Variants in CDHR2 observed in about 807,000 individuals in gnomAD.
The protein encoded by CDHR2 is cadherin related family member 2.
In CDHR2, 104 loss-of-function variants were observed where a neutral mutation model predicts 138.6. That is an observed-to-expected ratio of 0.75 (90% CI 0.64 to 0.88). The LOEUF (loss-of-function observed/expected upper bound fraction) is 0.88. Among genes scored for constraint, CDHR2 ranks in the 40% least tolerant of loss-of-function variants. The probability of loss-of-function intolerance (pLI) is 0.00; values close to 1 mark genes in which losing one functional copy is unlikely to be tolerated. For missense variants in CDHR2, 1,624 were observed against 1,727.6 expected (o/e 0.94, Z 1.06); for synonymous variants, 755 against 742.8 (o/e 1.02, Z -0.27).
intron 3 of CDHR2, among the ~76,000 whole-genome samples, chr5:176,567,500 A>G (rs1194489714): frequency 7.0e-6 from 1 of 143,046 alleles, no homozygotes; most frequent in Non-Finnish European, 1.5e-5. Flanking sequence ...TTTTATATTT[A>G]TTTATTTTTG....
chr5:176,549,082 TG>T (rs1377671534), upstream of CDHR2, among the ~76,000 whole-genome samples: 1 of 152,178 alleles, frequency 6.6e-6, no homozygotes, highest in Non-Finnish European at 1.5e-5. Flanking sequence ...GCCTCCAGCC[TG>T]CCCCAGTGTT....
rs1472476191 is a variant in CDHR2, at chr5:176,591,114, C to T, written c.3540-96C>T. On this transcript the variant is annotated intron_variant, in intron 28 of 31. Transcript: ENST00000261944. ...CTCTGTAAAATAGAGCTAACACTCA[C>T]CTCCCGGGATCTTGTGAAGCCACAG... 1.1e-5 allele frequency: 9 copies of T among 801,414 alleles called. No individual in the cohort carries two copies. In the African/African-American group the frequency reaches 1.5e-4, roughly 14 times the overall value. 49.6% of individuals were successfully genotyped at this position (801,414 alleles called of 1,614,324 possible). A position where few individuals can be genotyped will look rare whatever the true frequency, so the allele number is the denominator to read the frequency against.
Position 176,595,603 on chromosome 5 carries a change from G to A in CDHR2, c.3864G>A (p.Gln1288=), listed in dbSNP as rs143952500. Residue 1288 remains glutamine, a synonymous_variant, in exon 32 of 32, where the codon CAG becomes CAA. Transcript: ENST00000261944. ...TGAGCGTGGTCCTGTTAGGACGGCA[G>A]GCAGGCGCAAGTGGACAGCTGGAGG... ...EPLSVVLLGR[Q]AGASGQLEGP... is the part of the protein sequence containing the mutation. 4.3e-6 allele frequency: 7 copies of A among 1,613,034 alleles called. No homozygotes were observed. The highest frequency in any genetic ancestry group is 5.9e-6 in the Non-Finnish European group (7 of 1,179,412).
At chr5:176,577,904 A>T in intron 14 of CDHR2, 106 bp downstream of exon 14, 3 of 1,467,512 alleles carry the variant, frequency 2.0e-6, no homozygotes, top group Non-Finnish European at 2.8e-6. Context: ...GGTGGCCATG[A>T]GTGAATCTGA....
chr5:176,562,555 C>T (rs1475726799), intron 1 of CDHR2, among the ~76,000 whole-genome samples: 1 of 152,114 alleles, frequency 6.6e-6, no homozygotes, highest in Admixed American at 6.5e-5. Flanking sequence ...TGCGTGCTTA[C>T]TTCAGATGCT....
chr5:176,584,346 AG>A, intron 18 of CDHR2, 63 bp from the exon 19 acceptor site: 1 of 1,612,308 alleles, frequency 6.2e-7, no homozygotes, highest in Non-Finnish European at 8.5e-7. Flanking sequence ...AAGAGAGGCA[AG>A]GGCAGAGGAG....
chr5:176,586,895 G>A, intron 21 of CDHR2, 53 bp downstream of exon 21: 1 of 1,497,162 alleles, frequency 6.7e-7, no homozygotes, highest in Admixed American at 1.8e-5. Context: ...GGGGACACAG[G>A]GCTGAGGCCT....
chr5:176,590,003 A>T, intron 24 of CDHR2, 75 bp from the exon 25 acceptor site: 2 of 1,199,322 alleles, frequency 1.7e-6, no homozygotes, highest in Non-Finnish European at 2.5e-6. Context: ...TACAATTCTT[A>T]ATCCCACTGG....
In CDHR2 at chr5:176,575,088, TCC is replaced by T. The variant is rs780642980; in HGVS notation, c.502_503del (p.Pro168Ter). 2.5e-6 allele frequency: 4 copies of T among 1,613,904 alleles called. No individual in the cohort carries two copies. In the Admixed American group the frequency reaches 6.7e-5, roughly 27 times the overall value. ...CCCAAGTCTGCTCTGCCCCAGGTCATCCCTAGCACTGGGGACAGCGAGCATCT... is the reference window on the plus strand; with the variant it reads ...CCCAAGTCTGCTCTGCCCCAGGTCATCTAGCACTGGGGACAGCGAGCATCT... On this transcript the variant is annotated frameshift_variant, in exon 8 of 32. Transcript: ENST00000261944. LOFTEE classifies it high-confidence loss of function.
At chr5:176,592,383 TATG>T (rs376542239) in intron 30 of CDHR2, among the ~76,000 whole-genome samples, 1,643 of 91,646 alleles carry the variant, frequency 0.018, 40 homozygotes, top group African/African-American at 0.067. Flanking sequence ...TGGTGATGGT[TATG>T]ATGATGATGG....
At position 176,595,392 on chromosome 5, in the gene CDHR2, A is replaced by G. The variant is rs1758999622; in HGVS notation, c.3793-140A>G. The stretch of plus-strand genomic sequence containing the variant: ...CCACCTCTGGGACACAGCCTGGACC[A>G]GAGGCCCCAGGAGGGGCAGGGTGGG... On this transcript the variant is annotated intron_variant, in intron 31 of 31. Transcript: ENST00000261944. The G allele has an allele frequency of 6.7e-6, 6 of 900,240 alleles. No homozygotes were observed. The South Asian group carries it at 1.2e-4, about 18-fold the overall frequency. 55.8% of individuals were successfully genotyped at this position (900,240 alleles called of 1,614,324 possible). A position where few individuals can be genotyped will look rare whatever the true frequency, so the allele number is the denominator to read the frequency against.
At chr5:176,549,762 G>A (rs547115960) in intron 1 of CDHR2, among the ~76,000 whole-genome samples, 1 of 152,282 alleles carries the variant, frequency 6.6e-6, no homozygotes, top group East Asian at 1.9e-4. Context: ...GGTTGAGGAC[G>A]GGGAAGCTGA....
intron 1 of CDHR2, among the ~76,000 whole-genome samples, chr5:176,551,803 G>A (rs1486768641): frequency 3.4e-5 from 5 of 146,418 alleles, no homozygotes; most frequent in Non-Finnish European, 5.9e-5. Context: ...CCGGGTTCAC[G>A]CCATTCTCCT....
Position 176,591,241 on chromosome 5 carries a change from G to A in CDHR2, c.3571G>A (p.Ala1191Thr). ...CCGGAAGCTTCAAGCTATGAAGGCT[G>A]CCAAGGAGGCCAGGAAGACAGCAGC... ...YNRKLQAMKA[A>T]KEARKTAAGV... The change falls in exon 29 of 32, where the codon GCC becomes ACC. Residue 1191 changes from alanine to threonine, a missense_variant. Physicochemically the swap from Ala to Thr is moderately conservative, Grantham distance 58. Transcript: ENST00000261944. 6.2e-7 allele frequency: 1 copy of A among 1,613,952 alleles called. No individual in the cohort carries two copies. The highest frequency in any genetic ancestry group is 8.5e-7 in the Non-Finnish European group (1 of 1,179,974).
chr5:176,582,124 G>A (rs563668335), intron 17 of CDHR2, among the ~76,000 whole-genome samples: 2 of 152,158 alleles, frequency 1.3e-5, no homozygotes, highest in East Asian at 1.9e-4. Flanking sequence ...AGGCTCAAGC[G>A]ATCCTCCTGC....
upstream of CDHR2, among the ~76,000 whole-genome samples, chr5:176,545,712 G>C (rs538422715): frequency 1.3e-5 from 2 of 152,218 alleles, no homozygotes; most frequent in Admixed American, 6.5e-5. Context: ...GTGGGGATTA[G>C]GACCCAGGTC....
intron 27 of CDHR2, 25 bp downstream of exon 27, chr5:176,590,510 C>G: frequency 6.2e-7 from 1 of 1,613,986 alleles, no homozygotes; most frequent in Non-Finnish European, 8.5e-7. Flanking sequence ...GGCGGGGCAG[C>G]AGGTGGGGCT....
intron 7 of CDHR2, 26 bp from the exon 8 acceptor site, chr5:176,575,058 C>T: frequency 6.2e-7 from 1 of 1,613,152 alleles, no homozygotes; most frequent in South Asian, 1.1e-5. Flanking sequence ...CCCTAGGGAG[C>T]CTGACCCAAG....
chr5:176,594,835 A>C (rs1395663364), intron 31 of CDHR2, among the ~76,000 whole-genome samples: 1 of 151,850 alleles, frequency 6.6e-6, no homozygotes, highest in Non-Finnish European at 1.5e-5. Context: ...GCTGTTCCAC[A>C]GGAGGGTGTG....
Sources: allele counts gnomAD v4.1 joint callset (sites outside exome capture counted in the v4.1 genomes callset), GRCh38; gene constraint gnomAD v4.1.1; transcripts MANE v1.5; gene names NCBI Gene and HGNC (gene_info 2026-07-23, HGNC 2026-07-21).